The following ZNF536 variants were observed in gnomAD, a reference collection of about 807,000 sequenced individuals.
ZNF536 encodes the protein zinc finger protein 536.
Under a neutral mutation model 84.5 loss-of-function variants are expected in ZNF536, and 13 were observed. The ratio of observed to expected loss-of-function variants is 0.15; its 90% CI spans 0.10 to 0.24. The LOEUF (loss-of-function observed/expected upper bound fraction) is 0.24, where lower values mean the gene tolerates loss of function less well. Ranked by LOEUF, ZNF536 falls within the 10% of genes least tolerant of loss-of-function variation. The probability of loss-of-function intolerance (pLI) is 1.00; values close to 1 mark genes in which losing one functional copy is unlikely to be tolerated. For synonymous variants in ZNF536, 811 were observed against 742.5 expected (o/e 1.09, Z -1.50); for missense variants, 1,536 against 1,747.5 (o/e 0.88, Z 2.16).
At chr19:30,534,770 G>A (rs2145928032) in intron 2 of ZNF536, 77 bp from the exon 3 acceptor site, 1 of 1,457,218 alleles carries the variant, frequency 6.9e-7, no homozygotes, top group South Asian at 1.5e-5. Context: ...TTAACTTTGT[G>A]TGGTGTTAGC....
chr19:30,351,167 C>A (rs893616570), intron 2 of ZNF536, among the ~76,000 whole-genome samples: 1 of 152,054 alleles, frequency 6.6e-6, no homozygotes, highest in South Asian at 2.1e-4. Flanking sequence ...TTTTTTATAA[C>A]CTGTTCCCCA....
At chr19:30,626,823 A>G (rs11669267) in intron 1 of ZNF536, among the ~76,000 whole-genome samples, 67,445 of 152,172 alleles carry the variant, frequency 0.44, 15,472 homozygotes, top group Non-Finnish European at 0.52. Context: ...GGCCAGCGGC[A>G]GCCTGCTCCC....
intron 1 of ZNF536, among the ~76,000 whole-genome samples, chr19:30,416,711 T>C (rs2147789857): frequency 6.6e-6 from 1 of 152,286 alleles, no homozygotes; most frequent in East Asian, 1.9e-4. Flanking sequence ...CCCCACCACG[T>C]TGATGAGGCA....
chr19:30,341,348 C>T (rs1247857543), intron 2 of ZNF536, among the ~76,000 whole-genome samples: 1 of 152,144 alleles, frequency 6.6e-6, no homozygotes, highest in East Asian at 1.9e-4. Flanking sequence ...ATGTCCAGTT[C>T]GGTGGAAAGT....
At chr19:30,698,899 C>A (rs910073599) in intron 1 of ZNF536, among the ~76,000 whole-genome samples, 2 of 152,226 alleles carry the variant, frequency 1.3e-5, no homozygotes, top group Non-Finnish European at 2.9e-5. Flanking sequence ...ATTTGGAATG[C>A]ACAAGGCATT....
rs572674154 is a variant in ZNF536, at chr19:30,642,632, A to C, written c.170-68125A>C. On this transcript the variant is annotated intron_variant, in intron 1 of 1. Coordinates refer to the ZNF536 transcript ENST00000592773. ...GAGAGGAGGCTGAAGTTTCAGAAGGAAATTTTGATCATCAGAAGTGCCTGC... is the reference window on the plus strand; with the variant it reads ...GAGAGGAGGCTGAAGTTTCAGAAGGCAATTTTGATCATCAGAAGTGCCTGC... 2.6e-5 allele frequency among the ~76,000 whole-genome samples: 4 copies of C among 152,282 alleles called. No individual in the cohort carries two copies. The South Asian group carries it at 8.3e-4, about 32-fold the overall frequency.
upstream of ZNF536, among the ~76,000 whole-genome samples, chr19:30,227,392 G>T (rs2022670851): frequency 6.6e-6 from 1 of 152,186 alleles, no homozygotes; most frequent in Non-Finnish European, 1.5e-5. Context: ...AGTTGAGGAC[G>T]CAGTGGCCAG....
chr19:30,712,934 G>GAAAAAAAAAACAAAAAAAAA (rs2052495498), exon 2 of ZNF536: 1 of 140,574 alleles, frequency 7.1e-6, no homozygotes. Context: ...AATAAAAAAA[G>GAAAAAAAAAACAAAAAAAAA]AAAAAAAAAA....
chr19:30,689,041 G>A (rs1294175665), intron 1 of ZNF536, among the ~76,000 whole-genome samples: 1 of 152,248 alleles, frequency 6.6e-6, no homozygotes, highest in Non-Finnish European at 1.5e-5. Context: ...CTCTCGATGT[G>A]TGTCATCCCC....
At chr19:30,485,616 T>C (rs1237226161) in intron 2 of ZNF536, among the ~76,000 whole-genome samples, 1 of 150,738 alleles carries the variant, frequency 6.6e-6, no homozygotes, top group Non-Finnish European at 1.5e-5. Context: ...TTTTTTTTTG[T>C]CTTTTCTTGG....
At chr19:30,692,892 T>TC (rs1325444601) in intron 1 of ZNF536, among the ~76,000 whole-genome samples, 1 of 152,062 alleles carries the variant, frequency 6.6e-6, no homozygotes, top group Non-Finnish European at 1.5e-5. Flanking sequence ...AAATGAAGAG[T>TC]CTAACAACCC....
intron 1 of ZNF536, among the ~76,000 whole-genome samples, chr19:30,245,704 C>T (rs1599867718): frequency 6.6e-6 from 1 of 152,212 alleles, no homozygotes; most frequent in Non-Finnish European, 1.5e-5. Flanking sequence ...AAGTTGTTCT[C>T]CCTTTGTAGG....
intron 1 of ZNF536, among the ~76,000 whole-genome samples, chr19:30,243,597 G>T (rs1034274866): frequency 2.6e-5 from 4 of 152,096 alleles, no homozygotes; most frequent in African/African-American, 9.7e-5. Context: ...AAATGATAAC[G>T]CTAATGAAAA....
At chr19:30,689,832 A>T (rs1198148998) in intron 1 of ZNF536, among the ~76,000 whole-genome samples, 1 of 152,246 alleles carries the variant, frequency 6.6e-6, no homozygotes, top group African/African-American at 2.4e-5. Context: ...GAATAAAAAA[A>T]CAGGTACACA....
intron 1 of ZNF536, among the ~76,000 whole-genome samples, 182 bp downstream of exon 1, chr19:30,372,738 A>G (rs997832259): frequency 9.2e-5 from 14 of 152,218 alleles, no homozygotes; most frequent in African/African-American, 2.7e-4. Flanking sequence ...ATAAAAAATT[A>G]TAGCCCTTTA....
At chr19:30,337,453 G>A (rs2052386689) in intron 2 of ZNF536, among the ~76,000 whole-genome samples, 1 of 152,152 alleles carries the variant, frequency 6.6e-6, no homozygotes, top group African/African-American at 2.4e-5. Flanking sequence ...TTATAATCGA[G>A]ATTAGCCTTA....
At chr19:30,266,986 A>G (rs1489893415) in intron 1 of ZNF536, among the ~76,000 whole-genome samples, 1 of 152,222 alleles carries the variant, frequency 6.6e-6, no homozygotes, top group African/African-American at 2.4e-5. Flanking sequence ...GCATCCTAGT[A>G]GTTGTCAGGT....
At chr19:30,383,828 C>CCT (rs2049167632) in intron 1 of ZNF536, among the ~76,000 whole-genome samples, 1 of 127,982 alleles carries the variant, frequency 7.8e-6, no homozygotes, top group African/African-American at 3.2e-5. Context: ...TTCTTTCTTT[C>CCT]TCCTTCTTTC....
chr19:30,325,559 G>A (rs2046996491), intron 2 of ZNF536, among the ~76,000 whole-genome samples: 4 of 152,204 alleles, frequency 2.6e-5, no homozygotes, highest in South Asian at 2.1e-4. Flanking sequence ...TGAGGGCAGC[G>A]GAGAGGGCCC....
Sources: allele counts gnomAD v4.1 joint callset (sites outside exome capture counted in the v4.1 genomes callset), GRCh38; gene constraint gnomAD v4.1.1; transcripts MANE v1.5; gene names NCBI Gene and HGNC (gene_info 2026-07-23, HGNC 2026-07-21).